Variants in UPK3A observed in about 807,000 individuals in gnomAD.
The protein encoded by UPK3A is uroplakin 3A.
UPK3A carries 32 observed loss-of-function variants against 27.6 expected under a neutral mutation model. The ratio of observed to expected loss-of-function variants is 1.16; its 90% CI spans 0.87 to 1.55. UPK3A has a LOEUF of 1.55. UPK3A is among the 40% of genes most tolerant of loss of function. UPK3A has a pLI of 0.00. For missense variants in UPK3A, 370 were observed against 367.9 expected (o/e 1.01, Z -0.05); for synonymous variants, 171 against 163.9 (o/e 1.04, Z -0.33).
intron 1 of UPK3A, 109 bp from the exon 2 acceptor site, chr22:45,285,832 G>T: frequency 1.3e-6 from 2 of 1,491,062 alleles, no homozygotes; most frequent in Non-Finnish European, 1.8e-6. Flanking sequence ...GGCCCAGGGG[G>T]AGGGTGAAGC....
chr22:45,288,915 G>A (rs1294309317), intron 3 of UPK3A, 146 bp from the exon 4 acceptor site: 21 of 764,174 alleles, frequency 2.7e-5, no homozygotes, highest in African/African-American at 1.9e-4. Flanking sequence ...CCCAGAGCCC[G>A]CTCAGTAGCC....
At chr22:45,287,639 T>C (rs1251211652) in intron 3 of UPK3A, among the ~76,000 whole-genome samples, 188 bp downstream of exon 3, 2 of 152,194 alleles carry the variant, frequency 1.3e-5, no homozygotes, top group African/African-American at 4.8e-5. Context: ...GCTCTGCAAC[T>C]ACCGTCTTGA....
rs1161435039 is a variant in UPK3A, at chr22:45,287,061, GC to G, written c.209-108del. On this transcript the variant is annotated intron_variant, in intron 2 of 5. Transcript: ENST00000216211. The stretch of plus-strand genomic sequence containing the variant: ...TTTGCCCCATGCCTGTGATGCCAGT[GC>G]CCAGCACAGAGCTGGGGCAGAAAGG... The G allele has an allele frequency of 3.3e-6, 5 of 1,525,050 alleles. No individual in the cohort carries two copies. The African/African-American group carries it at 6.8e-5, about 21-fold the overall frequency. The allele number at this position is 1,525,050 out of a possible 1,614,324, so 94.5% of individuals were successfully genotyped here.
At position 45,293,766 on chromosome 22, in the gene UPK3A, G is replaced by A. The variant is rs546245275; in HGVS notation, c.704+453G>A. Among the ~76,000 whole-genome samples the A allele has an allele frequency of 3.9e-5, 6 of 152,274 alleles. No individual in the cohort carries two copies. The South Asian group carries it at 1.2e-3, about 32-fold the overall frequency. On this transcript the variant is annotated intron_variant, in intron 5 of 5. Transcript: ENST00000216211. ...AACTCAACAAGCATTTGCTTTCGTT[G>A]TCATTATAATACACCTACTTGCAGT...
chr22:45,293,863 GAGT>G (rs1171040296), intron 5 of UPK3A, among the ~76,000 whole-genome samples: 2 of 152,312 alleles, frequency 1.3e-5, no homozygotes, highest in Non-Finnish European at 2.9e-5. Flanking sequence ...CCAGAACCCA[GAGT>G]TGGGGGCCTA....
chr22:45,286,473 A>G (rs545855809), intron 2 of UPK3A, among the ~76,000 whole-genome samples: 1 of 152,080 alleles, frequency 6.6e-6, no homozygotes, highest in South Asian at 2.1e-4. Context: ...CCCAAGCCCA[A>G]GGTCCTTCCT....
chr22:45,288,489 C>A (rs530113280), intron 3 of UPK3A, among the ~76,000 whole-genome samples: 1 of 152,176 alleles, frequency 6.6e-6, no homozygotes, highest in East Asian at 1.9e-4. Flanking sequence ...TCAGGCACTG[C>A]GCCCGGCCCA....
At chr22:45,293,779 A>C (rs1227274514) in intron 5 of UPK3A, among the ~76,000 whole-genome samples, 34 of 152,126 alleles carry the variant, frequency 2.2e-4, no homozygotes, top group Non-Finnish European at 1.5e-5. Context: ...ATTATAATAC[A>C]CCTACTTGCA....
chr22:45,290,474 T>C (rs979495426), intron 4 of UPK3A, among the ~76,000 whole-genome samples: 3 of 152,062 alleles, frequency 2.0e-5, no homozygotes, highest in African/African-American at 7.2e-5. Flanking sequence ...GGTATGTCTA[T>C]GTGTGTGTGT....
Position 45,285,844 on chromosome 22 carries a change from C to G in UPK3A, c.53-97C>G, listed in dbSNP as rs2147792137. 8 of 1,566,238 alleles carry G rather than the reference C, an allele frequency of 5.1e-6. No homozygotes were observed. In the South Asian group the frequency reaches 6.8e-5, roughly 13 times the overall value. On this transcript the variant is annotated intron_variant, in intron 1 of 5. Coordinates refer to ENST00000216211, the MANE Select transcript of UPK3A (RefSeq NM_006953.4). The stretch of plus-strand genomic sequence containing the variant: ...GGTGGCCCAGGGGGAGGGTGAAGCC[C>G]AGGGCCTGGCACACAACACGTGCTC...
Position 45,293,216 on chromosome 22 carries a change from C to G in UPK3A, c.607C>G (p.Arg203Gly). 6.2e-7 allele frequency: 1 copy of G among 1,614,056 alleles called. No homozygotes were observed. The highest frequency in any genetic ancestry group is 2.2e-5 in the East Asian group (1 of 44,846). Residue 203 changes from arginine (R) to glycine (G), a missense_variant, in exon 5 of 6, where the codon CGG (arginine) becomes GGG (glycine). Arg to Gly is a moderately radical substitution (Grantham distance 125). Coordinates refer to ENST00000216211, the MANE Select transcript of UPK3A (RefSeq NM_006953.4). ...PYSTIDTWPG[R>G]RSGGMIVITS... ...CTCGACGATCGACACGTGGCCAGGC[C>G]GGCGGAGCGGAGGCATGATCGTCAT...
At chr22:45,286,215 C>T in intron 2 of UPK3A, 119 bp downstream of exon 2, 1 of 1,332,916 alleles carries the variant, frequency 7.5e-7, no homozygotes, top group East Asian at 2.5e-5. Context: ...TAAACAGGTA[C>T]TGCAGCCACA....
intron 4 of UPK3A, among the ~76,000 whole-genome samples, chr22:45,289,458 G>C (rs2037499468): frequency 6.6e-6 from 1 of 151,702 alleles, no homozygotes; most frequent in South Asian, 2.1e-4. Context: ...GGTGCCTTTA[G>C]TCCCAGCTAC....
chr22:45,295,768 C>T lies in UPK3A; in HGVS notation c.*49C>T. ...AGCATCCTCCTCTCTGGCCTTGCCC[C>T]AGGCCCTGCAGCGGTGGTTGTCACA... On this transcript the variant is annotated 3_prime_UTR_variant, in exon 6 of 6. Coordinates refer to ENST00000216211, the MANE Select transcript of UPK3A (RefSeq NM_006953.4). 1 of 1,608,250 alleles carries T rather than the reference C, an allele frequency of 6.2e-7. No individual in the cohort carries two copies. The highest frequency in any genetic ancestry group is 8.5e-7 in the Non-Finnish European group (1 of 1,177,806).
intron 4 of UPK3A, among the ~76,000 whole-genome samples, chr22:45,290,814 G>T (rs1312196606): frequency 2.0e-5 from 3 of 152,136 alleles, no homozygotes; most frequent in African/African-American, 7.2e-5. Context: ...ATCAGCAGTG[G>T]CATTAGAGTG....
At chr22:45,290,162 C>T (rs935541664) in intron 4 of UPK3A, among the ~76,000 whole-genome samples, 2 of 152,230 alleles carry the variant, frequency 1.3e-5, no homozygotes, top group African/African-American at 4.8e-5. Flanking sequence ...TCAGCAGAGA[C>T]CCAAAGTTCA....
At chr22:45,285,724 G>A (rs1271685943) in intron 1 of UPK3A, among the ~76,000 whole-genome samples, 1 of 152,190 alleles carries the variant, frequency 6.6e-6, no homozygotes. Context: ...GCAACTGAGT[G>A]TCTGCAGCAG....
chr22:45,289,313 A>G (rs531753696), intron 4 of UPK3A, among the ~76,000 whole-genome samples, 170 bp downstream of exon 4: 1 of 152,264 alleles, frequency 6.6e-6, no homozygotes, highest in African/African-American at 2.4e-5. Flanking sequence ...GTGGTGGCTC[A>G]CATCTGTAAT....
chr22:45,287,205 C>G lies in UPK3A; in HGVS notation c.242C>G (p.Thr81Ser), dbSNP rs1458203037. 3 of 1,614,222 alleles carry G rather than the reference C, an allele frequency of 1.9e-6. No homozygotes were observed. The highest frequency in any genetic ancestry group is 2.2e-5 in the South Asian group (2 of 91,090). The change falls in exon 3 of 6, where the codon ACC (threonine) becomes AGC (serine). Residue 81 changes from threonine (T) to serine (S), a missense_variant. By Grantham distance (58) the Thr-to-Ser change is moderately conservative. Coordinates refer to ENST00000216211, the MANE Select transcript of UPK3A (RefSeq NM_006953.4). Reference sequence around the variant, plus strand: ...AGGAATGCCTCAGTGCAAGACAGCACCAACACCCCACTGGGCTCAACGTTC... The same window carrying G: ...AGGAATGCCTCAGTGCAAGACAGCAGCAACACCCCACTGGGCTCAACGTTC... The part of the protein sequence containing the change: ...ISRNASVQDS[T>S]NTPLGSTFLQ...
Sources: allele counts gnomAD v4.1 joint callset (sites outside exome capture counted in the v4.1 genomes callset), GRCh38; gene constraint gnomAD v4.1.1; transcripts MANE v1.5; gene names NCBI Gene and HGNC (gene_info 2026-07-23, HGNC 2026-07-21).